Variants in TAFA2 observed in about 807,000 individuals in gnomAD.
TAFA2 encodes chemokine-like protein TAFA-2.
A neutral mutation model predicts 18.8 loss-of-function variants in TAFA2; 7 were observed. The ratio of observed to expected loss-of-function variants is 0.37; its 90% confidence interval spans 0.21 to 0.70. TAFA2 has a LOEUF of 0.70. Among genes scored for constraint, TAFA2 ranks in the 30% least tolerant of loss-of-function variants. TAFA2 has a pLI of 0.53. For missense variants in TAFA2, 122 were observed against 158.1 expected (o/e 0.77, Z 1.23); for synonymous variants, 60 against 54.2 (o/e 1.11, Z -0.47).
At chr12:62,186,837 C>T (rs181928192) in intron 1 of TAFA2, among the ~76,000 whole-genome samples, 2 of 152,252 alleles carry the variant, frequency 1.3e-5, no homozygotes, top group African/African-American at 4.8e-5. Context: ...TACTCTTCAT[C>T]TGATTTCAAG....
chr12:62,167,119 A>T (rs991476802), intron 1 of TAFA2, among the ~76,000 whole-genome samples: 1 of 152,122 alleles, frequency 6.6e-6, no homozygotes, highest in African/African-American at 2.4e-5. Flanking sequence ...TCAGTTATCT[A>T]AGGTATTGGA....
At chr12:61,751,504 G>T (rs780055316) in intron 4 of TAFA2, among the ~76,000 whole-genome samples, 1 of 151,856 alleles carries the variant, frequency 6.6e-6, no homozygotes, top group Non-Finnish European at 1.5e-5. Context: ...TTTTCAAAAT[G>T]GGAGTGACAG....
chr12:61,732,261 T>A (rs932887245), intron 4 of TAFA2, among the ~76,000 whole-genome samples: 10 of 152,108 alleles, frequency 6.6e-5, no homozygotes, highest in African/African-American at 2.4e-4. Context: ...AAAAGGGTGG[T>A]GTGGTGTCAG....
At chr12:61,755,117 CT>C (rs1869203982) in intron 2 of TAFA2, 93 bp from the exon 3 acceptor site, 1 of 1,150,574 alleles carries the variant, frequency 8.7e-7, no homozygotes. Context: ...AAATATAGCT[CT>C]ATAAGGGGTC....
chr12:61,787,115 C>A (rs1870771630), intron 2 of TAFA2, among the ~76,000 whole-genome samples: 1 of 151,166 alleles, frequency 6.6e-6, no homozygotes, highest in Non-Finnish European at 1.5e-5. Context: ...CTTTAAGAAA[C>A]CAACTATAAA....
At chr12:62,217,717 C>T (rs974389312) in intron 1 of TAFA2, among the ~76,000 whole-genome samples, 1 of 152,186 alleles carries the variant, frequency 6.6e-6, no homozygotes, top group African/African-American at 2.4e-5. Flanking sequence ...TGCATCACAG[C>T]TCAGCTCTCC....
intron 1 of TAFA2, among the ~76,000 whole-genome samples, chr12:62,211,536 T>C (rs1245642): frequency 0.89 from 134,027 of 150,540 alleles, 59,754 homozygotes; most frequent in Middle Eastern, 0.93. Context: ...GCCAAGATTG[T>C]GCTGCTGCAC....
chr12:61,902,869 T>C (rs773387289), intron 1 of TAFA2, among the ~76,000 whole-genome samples: 3 of 150,630 alleles, frequency 2.0e-5, no homozygotes, highest in Non-Finnish European at 2.9e-5. Flanking sequence ...CCTCTCCCAT[T>C]CTTCATTGCA....
intron 1 of TAFA2, among the ~76,000 whole-genome samples, chr12:62,242,205 T>A (rs1216593962): frequency 6.6e-6 from 1 of 152,144 alleles, no homozygotes; most frequent in African/African-American, 2.4e-5. Flanking sequence ...TCTTAAAGTT[T>A]AGGAGTAATG....
In TAFA2 at chr12:62,120,479, A is replaced by T. The variant is rs1309598411; in HGVS notation, c.-2+70780T>A. Among the ~76,000 whole-genome samples the T allele has an allele frequency of 2.0e-5, 3 of 152,254 alleles. 1 individual carries two copies. Among genetic ancestry groups the T allele is most frequent in the Admixed American group, 2.0e-4 (3 of 15,284 alleles). ...ACATGCTTCAGACTATAATGTAAAC[A>T]TTGGCATAGAAAATGTTGAATATTA... On this transcript the variant is annotated intron_variant, in intron 1 of 4. Transcript: ENST00000416284.
chr12:62,185,282 G>A (rs933077722), intron 1 of TAFA2, among the ~76,000 whole-genome samples: 1 of 152,130 alleles, frequency 6.6e-6, no homozygotes, highest in Non-Finnish European at 1.5e-5. Flanking sequence ...TCTGTTTTGT[G>A]GAGGATGAGA....
intron 2 of TAFA2, among the ~76,000 whole-genome samples, chr12:61,823,238 T>A (rs536936886): frequency 6.6e-6 from 1 of 152,182 alleles, no homozygotes; most frequent in African/African-American, 2.4e-5. Flanking sequence ...AGTGGCATGA[T>A]CATAGCTCAC....
chr12:62,074,670 G>A (rs543582445), intron 1 of TAFA2, among the ~76,000 whole-genome samples: 7 of 150,868 alleles, frequency 4.6e-5, no homozygotes, highest in Non-Finnish European at 8.9e-5. Flanking sequence ...TTCACATCTA[G>A]CACATCCAAA....
At chr12:62,147,014 A>T (rs1042663948) in intron 1 of TAFA2, among the ~76,000 whole-genome samples, 1 of 151,860 alleles carries the variant, frequency 6.6e-6, no homozygotes, top group Admixed American at 6.6e-5. Flanking sequence ...ATAAAGCTGC[A>T]TACCTACAAC....
At chr12:61,865,626 C>T (rs11174205) in intron 2 of TAFA2, among the ~76,000 whole-genome samples, 2 of 152,152 alleles carry the variant, frequency 1.3e-5, no homozygotes, top group African/African-American at 4.8e-5. Flanking sequence ...AAGAAAAGAT[C>T]TTAGTTTCAG....
chr12:62,044,109 A>C (rs891002775), intron 1 of TAFA2, among the ~76,000 whole-genome samples: 2 of 152,094 alleles, frequency 1.3e-5, no homozygotes, highest in Non-Finnish European at 2.9e-5. Context: ...ACCCACTAAC[A>C]GTATGCTCCT....
chr12:62,196,254 T>C (rs569611689), upstream of TAFA2, among the ~76,000 whole-genome samples: 2 of 152,262 alleles, frequency 1.3e-5, no homozygotes, highest in Non-Finnish European at 2.9e-5. Flanking sequence ...TGATTTTCTA[T>C]CTAGACCACC....
intron 2 of TAFA2, among the ~76,000 whole-genome samples, chr12:61,857,647 C>T (rs1366400547): frequency 2.0e-5 from 3 of 152,170 alleles, no homozygotes; most frequent in Non-Finnish European, 2.9e-5. Flanking sequence ...TCCCAATTGG[C>T]CTGAACAAGA....
In TAFA2 at chr12:61,710,112, C is replaced by A. The variant is rs535813931; in HGVS notation, c.*294G>T. 4 of 402,350 alleles carry A rather than the reference C, an allele frequency of 9.9e-6. 1 individual carries two copies. Among genetic ancestry groups the A allele is most frequent in the Middle Eastern group, 1.4e-3 (2 of 1,474 alleles). The allele number at this position is 402,350 out of a possible 1,614,324, so 24.9% of individuals were successfully genotyped here. ...CAAAAGGTGACTGTCTCTAACATCA[C>A]CCTGAAAAAAACAACTCTTCACCAG... is the stretch of plus-strand genomic sequence containing the variant. On this transcript the variant is annotated 3_prime_UTR_variant, in exon 5 of 5. Coordinates refer to ENST00000416284, the MANE Select transcript of TAFA2 (RefSeq NM_178539.5).
Sources: gnomAD v4.1 joint callset for allele counts (sites outside exome capture counted in the v4.1 genomes callset) on GRCh38, gnomAD v4.1.1 for gene constraint, MANE v1.5 for transcripts, NCBI Gene and HGNC (gene_info 2026-07-23, HGNC 2026-07-21) for gene names.